CNBD1: variants seen among roughly 807,000 people sequenced by gnomAD.
CNBD1 encodes cyclic nucleotide binding domain containing 1.
A neutral mutation model predicts 54.4 loss-of-function variants in CNBD1; 71 were observed. The ratio of observed to expected loss-of-function variants is 1.30; its 90% CI spans 1.08 to 1.59. The LOEUF (loss-of-function observed/expected upper bound fraction) is 1.59. Among genes scored for constraint, CNBD1 ranks in the 40% most tolerant of loss-of-function variants. The probability of loss-of-function intolerance (pLI) is 0.00; values close to 1 mark genes in which losing one functional copy is unlikely to be tolerated. For missense variants in CNBD1, 659 were observed against 518.0 expected (o/e 1.27, Z -2.64); for synonymous variants, 182 against 170.7 (o/e 1.07, Z -0.51).
chr8:86,951,316 C>T (rs1005535239), intron 4 of CNBD1, among the ~76,000 whole-genome samples: 7 of 151,806 alleles, frequency 4.6e-5, no homozygotes, highest in African/African-American at 7.3e-5. Context: ...AGGCTGGGCA[C>T]GGTGGCTCAT....
intron 4 of CNBD1, among the ~76,000 whole-genome samples, chr8:87,047,498 CTGCCTCTAACAGTGAA>C (rs1161326625): frequency 6.6e-6 from 1 of 152,126 alleles, no homozygotes; most frequent in East Asian, 1.9e-4. Context: ...AAAAGCATTC[CTGCCTCTAACAGTGAA>C]TGCTACTAAG....
rs553039834 is a variant in CNBD1 at position 87,309,284 on chromosome 8, T to C, written c.1042+22613T>C. The stretch of plus-strand genomic sequence containing the variant: ...TTTGTAATAGCCATTAAAACTAGGA[T>C]AATATAATCGGTTTCTTCTTATTAC... On this transcript the variant is annotated intron_variant, in intron 8 of 10. Coordinates refer to ENST00000518476, the MANE Select transcript of CNBD1 (RefSeq NM_173538.3). Among the ~76,000 whole-genome samples, 48 of 152,318 alleles carry C rather than the reference T, an allele frequency of 3.2e-4. No individual in the cohort carries two copies. In the South Asian group the frequency reaches 4.8e-3, roughly 15 times the overall value.
intron 4 of CNBD1, among the ~76,000 whole-genome samples, chr8:87,092,478 T>C (rs773357378): frequency 3.4e-5 from 5 of 147,810 alleles, no homozygotes; most frequent in Non-Finnish European, 7.4e-5. Context: ...TGTATATATA[T>C]ACACATATGT....
chr8:87,284,078 A>T (rs1175605684), intron 6 of CNBD1, among the ~76,000 whole-genome samples: 3 of 152,096 alleles, frequency 2.0e-5, no homozygotes, highest in African/African-American at 7.2e-5. Context: ...TCATAAAAAT[A>T]CGCTCCTTAT....
chr8:87,205,906 A>C, intron 4 of CNBD1, 87 bp from the exon 5 acceptor site: 3 of 1,121,008 alleles, frequency 2.7e-6, no homozygotes, highest in Non-Finnish European at 2.3e-6. Flanking sequence ...AGAAAATACA[A>C]ATTTGGAAAC....
At chr8:87,139,905 A>C (rs551222246) in intron 4 of CNBD1, among the ~76,000 whole-genome samples, 1 of 152,282 alleles carries the variant, frequency 6.6e-6, no homozygotes, top group African/African-American at 2.4e-5. Context: ...ACTTGATGCT[A>C]TCTACCTTTA....
intron 6 of CNBD1, among the ~76,000 whole-genome samples, chr8:87,254,125 A>G (rs978598219): frequency 6.6e-6 from 1 of 152,216 alleles, no homozygotes; most frequent in African/African-American, 2.4e-5. Flanking sequence ...GAATATTCCA[A>G]ATAGTAGTGA....
chr8:87,072,152 C>T (rs1810771345), intron 4 of CNBD1, among the ~76,000 whole-genome samples: 1 of 151,854 alleles, frequency 6.6e-6, no homozygotes, highest in African/African-American at 2.4e-5. Flanking sequence ...TTTGTTTCCT[C>T]TTTGCTTGTT....
At chr8:87,367,860 C>CACA (rs1296328872) in intron 10 of CNBD1, among the ~76,000 whole-genome samples, 2 of 152,030 alleles carry the variant, frequency 1.3e-5, no homozygotes, top group African/African-American at 4.8e-5. Context: ...CATAGATTGT[C>CACA]TCAGCAAAAG....
intron 4 of CNBD1, among the ~76,000 whole-genome samples, chr8:87,028,636 A>C (rs890861278): frequency 3.3e-5 from 5 of 152,232 alleles, no homozygotes; most frequent in African/African-American, 1.2e-4. Context: ...AATGTGTAAG[A>C]AAACAGGAAC....
chr8:87,104,435 T>G (rs1425439982), intron 4 of CNBD1, among the ~76,000 whole-genome samples: 1 of 152,208 alleles, frequency 6.6e-6, no homozygotes, highest in African/African-American at 2.4e-5. Flanking sequence ...AATTACTTGC[T>G]TCCAGGGATC....
chr8:86,986,096 A>T (rs1343474035), intron 4 of CNBD1, among the ~76,000 whole-genome samples: 1 of 151,660 alleles, frequency 6.6e-6, no homozygotes, highest in Non-Finnish European at 1.5e-5. Context: ...CGTCCATCTA[A>T]TTTTCCTATT....
chr8:87,221,753 A>G (rs62527356), intron 5 of CNBD1, among the ~76,000 whole-genome samples: 10,578 of 152,178 alleles, frequency 0.07, 435 homozygotes, highest in African/African-American at 0.1. Context: ...ATTTCAATAG[A>G]CGCTCTGAGC....
chr8:87,061,522 G>T (rs1810547252), intron 4 of CNBD1, among the ~76,000 whole-genome samples: 1 of 152,154 alleles, frequency 6.6e-6, no homozygotes, highest in Admixed American at 6.5e-5. Flanking sequence ...TTACATTCAT[G>T]TTAAATGTGT....
At chr8:87,176,220 C>CT (rs1382355235) in intron 4 of CNBD1, among the ~76,000 whole-genome samples, 1 of 152,134 alleles carries the variant, frequency 6.6e-6, no homozygotes, top group Non-Finnish European at 1.5e-5. Flanking sequence ...CATGAAGGTG[C>CT]TTTTTTGTGT....
intron 2 of CNBD1, among the ~76,000 whole-genome samples, chr8:87,425,334 C>T (rs1808026086): frequency 6.6e-6 from 1 of 152,208 alleles, no homozygotes; most frequent in Admixed American, 6.5e-5. Flanking sequence ...CAGTCATTCT[C>T]CGTCCAGCTT....
rs140576504 is a variant in CNBD1 at position 86,972,311 on chromosome 8, T to C, written c.431+32557T>C. Among the ~76,000 whole-genome samples, 805 of 152,302 alleles carry C rather than the reference T, an allele frequency of 5.3e-3. 4 individuals are homozygous for C. The highest frequency in any genetic ancestry group is 8.1e-3 in the Non-Finnish European group (549 of 68,020). On this transcript the variant is annotated intron_variant, in intron 4 of 10. Coordinates refer to ENST00000518476, the MANE Select transcript of CNBD1 (RefSeq NM_173538.3). ...ATGACAATAGTGAGCAGTTTTTTAATGTATTTTGTTTTAATAGTATGCTTC... is the reference window on the plus strand; with the variant it reads ...ATGACAATAGTGAGCAGTTTTTTAACGTATTTTGTTTTAATAGTATGCTTC...
At chr8:87,165,266 T>C (rs966014572) in intron 4 of CNBD1, among the ~76,000 whole-genome samples, 13 of 151,966 alleles carry the variant, frequency 8.6e-5, no homozygotes, top group Admixed American at 7.9e-4. Context: ...TGTATGTCTG[T>C]AACTCCATTT....
chr8:86,905,230 G>A, intron 3 of CNBD1, 36 bp downstream of exon 3: 1 of 1,118,394 alleles, frequency 8.9e-7, no homozygotes, highest in Non-Finnish European at 1.3e-6. Flanking sequence ...AGGTTGATGG[G>A]TGTGTATGAG....
Sources: gnomAD v4.1 joint callset for allele counts (sites outside exome capture counted in the v4.1 genomes callset) on GRCh38, gnomAD v4.1.1 for gene constraint, MANE v1.5 for transcripts, NCBI Gene and HGNC (gene_info 2026-07-23, HGNC 2026-07-21) for gene names.